CIB2: variants seen among roughly 807,000 people sequenced by gnomAD.
CIB2 encodes the protein calcium and integrin-binding family member 2.
Under a neutral mutation model 23.1 loss-of-function variants are expected in CIB2, and 19 were observed. That is an observed-to-expected ratio of 0.82 (90% CI 0.57 to 1.21). CIB2 has a LOEUF of 1.21. Ranked by LOEUF, CIB2 falls within the 50% of genes most tolerant of loss-of-function variation. The pLI is 0.00. For synonymous variants in CIB2, 94 were observed against 91.7 expected (o/e 1.03, Z -0.14); for missense variants, 220 against 241.5 (o/e 0.91, Z 0.59).
chr15:78,124,769 G>C (rs1022136571), intron 1 of CIB2, among the ~76,000 whole-genome samples: 1 of 152,228 alleles, frequency 6.6e-6, no homozygotes, highest in Non-Finnish European at 1.5e-5. Context: ...ACCAGAGCCA[G>C]CTCTGATGAG....
At chr15:78,116,883 C>T (rs920973947) in intron 2 of CIB2, among the ~76,000 whole-genome samples, 1 of 151,452 alleles carries the variant, frequency 6.6e-6, no homozygotes, top group Admixed American at 6.6e-5. Context: ...GAGTTTGAGA[C>T]CAGCCTGGGC....
At chr15:78,111,328 C>T (rs755819035) in intron 2 of CIB2, 52 bp from the exon 3 acceptor site, 1 of 1,481,732 alleles carries the variant, frequency 6.7e-7, no homozygotes, top group East Asian at 2.3e-5. Flanking sequence ...CCCTAAGCCC[C>T]AGCAGCCCGG....
chr15:78,127,372 G>C (rs1224089278), intron 1 of CIB2, among the ~76,000 whole-genome samples: 1 of 152,154 alleles, frequency 6.6e-6, no homozygotes, highest in Non-Finnish European at 1.5e-5. Context: ...TTCCGGCAAA[G>C]GTCAGGTCTG....
rs555217882 is a variant in CIB2, at chr15:78,105,012, G to C, written c.*299C>G. On this transcript the variant is annotated 3_prime_UTR_variant, in exon 6 of 6. Coordinates refer to ENST00000258930, the MANE Select transcript of CIB2 (RefSeq NM_006383.4). The stretch of plus-strand genomic sequence containing the variant: ...TGGGTTATCTGCTTTTCCCTCTTTG[G>C]GGGGGTGGGGAGCATTTCTGGAGTA... 2.8e-4 allele frequency: 121 copies of C among 431,320 alleles called. 2 individuals are homozygous for C. Among genetic ancestry groups the C allele is most frequent in the East Asian group, 2.4e-3 (57 of 23,714 alleles). 26.7% of individuals were successfully genotyped at this position (431,320 alleles called of 1,614,324 possible).
At chr15:78,116,916 A>G (rs1207132337) in intron 2 of CIB2, among the ~76,000 whole-genome samples, 2 of 150,730 alleles carry the variant, frequency 1.3e-5, no homozygotes, top group Non-Finnish European at 2.9e-5. Flanking sequence ...CTGTTTCTAT[A>G]ATTTTTTTTA....
At chr15:78,128,243 G>A (rs1244209817) in intron 1 of CIB2, among the ~76,000 whole-genome samples, 1 of 152,186 alleles carries the variant, frequency 6.6e-6, no homozygotes, top group African/African-American at 2.4e-5. Flanking sequence ...GGCCTGGCCT[G>A]GACAGAAAGA....
At chr15:78,111,108 T>C in intron 3 of CIB2, 57 bp downstream of exon 3, 1 of 1,492,812 alleles carries the variant, frequency 6.7e-7, no homozygotes, top group South Asian at 1.1e-5. Flanking sequence ...TGGGGGCCTC[T>C]GCTGCTGGTC....
At chr15:78,130,664 C>A (rs1427216838) in intron 1 of CIB2, among the ~76,000 whole-genome samples, 1 of 152,106 alleles carries the variant, frequency 6.6e-6, no homozygotes, top group Admixed American at 6.5e-5. Flanking sequence ...AGGAGCGAAC[C>A]CCAGCCGATA....
At chr15:78,117,394 T>C (rs1278494755) in intron 2 of CIB2, among the ~76,000 whole-genome samples, 1 of 151,190 alleles carries the variant, frequency 6.6e-6, no homozygotes, top group African/African-American at 2.4e-5. Context: ...ATAAGGACAA[T>C]GTATGAAACA....
At chr15:78,123,969 G>C (rs564977074) in intron 1 of CIB2, among the ~76,000 whole-genome samples, 2 of 152,194 alleles carry the variant, frequency 1.3e-5, no homozygotes, top group South Asian at 4.1e-4. Context: ...AAGGAGCTTA[G>C]TGCATGGTGG....
chr15:78,107,044 C>T (rs1051183450), intron 4 of CIB2, among the ~76,000 whole-genome samples: 1 of 151,106 alleles, frequency 6.6e-6, no homozygotes, highest in Non-Finnish European at 1.5e-5. Flanking sequence ...CTGGCTAACA[C>T]GGTGAAACCC....
intron 2 of CIB2, among the ~76,000 whole-genome samples, chr15:78,112,892 ACTACTTAC>A (rs1284408603): frequency 6.6e-6 from 1 of 152,142 alleles, no homozygotes; most frequent in Non-Finnish European, 1.5e-5. Flanking sequence ...AAGGCACCTG[ACTACTTAC>A]CCAGCTCAAA....
Position 78,105,839 on chromosome 15 carries a change from C to T in CIB2, c.442G>A (p.Val148Met). The T allele has an allele frequency of 1.2e-6, 2 of 1,614,202 alleles. No homozygotes were observed. The highest frequency in any genetic ancestry group is 2.2e-5 in the South Asian group (2 of 91,082). Residue 148 changes from valine (V) to methionine (M), a missense_variant, in exon 5 of 6, where the codon GTG becomes ATG. Val to Met is a conservative substitution (Grantham distance 21). Transcript: ENST00000258930. Reference protein sequence around the residue: ...SELDEEEVVLVCDKVIEEADL... With the variant: ...SELDEEEVVLMCDKVIEEADL... Reference sequence around the variant, plus strand: ...GCCTCCTCAATGACCTTGTCGCACACAAGCACCACCTCCTCCTCATCCAGC... The same window carrying T: ...GCCTCCTCAATGACCTTGTCGCACATAAGCACCACCTCCTCCTCATCCAGC...
intron 2 of CIB2, among the ~76,000 whole-genome samples, chr15:78,119,977 T>C (rs1415185909): frequency 6.6e-6 from 1 of 151,760 alleles, no homozygotes; most frequent in African/African-American, 2.4e-5. Context: ...CTCAACTCAC[T>C]GCGGTCTCAA....
chr15:78,122,430 T>C (rs758400321), intron 2 of CIB2, among the ~76,000 whole-genome samples: 2 of 152,154 alleles, frequency 1.3e-5, no homozygotes, highest in Non-Finnish European at 2.9e-5. Context: ...GAGGCTCAAA[T>C]GAGGCTCCAT....
At chr15:78,112,117 G>C (rs1391310701) in intron 2 of CIB2, among the ~76,000 whole-genome samples, 2 of 152,156 alleles carry the variant, frequency 1.3e-5, no homozygotes, top group Non-Finnish European at 2.9e-5. Flanking sequence ...GACCCTCAAA[G>C]GTGTAAGGCA....
chr15:78,123,565 G>A (rs1189141785), intron 2 of CIB2, 140 bp downstream of exon 2: 6 of 841,776 alleles, frequency 7.1e-6, no homozygotes, highest in Non-Finnish European at 1.2e-5. Context: ...CAGTGGCCGA[G>A]TGGGGACCTG....
chr15:78,130,916 C>A (rs779244862), intron 1 of CIB2, among the ~76,000 whole-genome samples: 1 of 152,142 alleles, frequency 6.6e-6, no homozygotes, highest in Non-Finnish European at 1.5e-5. Flanking sequence ...CTGCCTAGGG[C>A]GAGAGTAGCT....
intron 4 of CIB2, 119 bp downstream of exon 4, chr15:78,109,116 C>T: frequency 8.6e-7 from 1 of 1,165,226 alleles, no homozygotes; most frequent in Non-Finnish European, 1.2e-6. Context: ...CTTCAGAGGA[C>T]AGATCAGCTT....
Sources: allele counts gnomAD v4.1 joint callset (sites outside exome capture counted in the v4.1 genomes callset), GRCh38; gene constraint gnomAD v4.1.1; transcripts MANE v1.5; gene names NCBI Gene and HGNC (gene_info 2026-07-23, HGNC 2026-07-21).